Variants in FNDC1 observed in about 807,000 individuals in gnomAD.
FNDC1 encodes the protein fibronectin type III domain containing 1, also known as fibronectin type III domain-containing protein 1.
FNDC1 carries 96 observed loss-of-function variants against 168.0 expected under a neutral mutation model. The ratio of observed to expected loss-of-function variants is 0.57; its 90% confidence interval spans 0.48 to 0.68. The LOEUF (loss-of-function observed/expected upper bound fraction) is 0.68. Among genes scored for constraint, FNDC1 ranks in the 30% least tolerant of loss-of-function variants. The probability of loss-of-function intolerance (pLI) is 0.00; values close to 1 mark genes in which losing one functional copy is unlikely to be tolerated. For synonymous variants in FNDC1, 1,099 were observed against 1,025.9 expected (o/e 1.07, Z -1.36); for missense variants, 2,587 against 2,482.1 (o/e 1.04, Z -0.90).
chr6:159,243,809 A>G (rs1783482974), intron 14 of FNDC1, among the ~76,000 whole-genome samples: 1 of 152,166 alleles, frequency 6.6e-6, no homozygotes, highest in African/African-American at 2.4e-5. Flanking sequence ...TATTTTAGAA[A>G]AATTATGCCT....
At chr6:159,250,831 G>A (rs1777242336) in intron 16 of FNDC1, among the ~76,000 whole-genome samples, 2 of 152,154 alleles carry the variant, frequency 1.3e-5, no homozygotes, top group South Asian at 2.1e-4. Flanking sequence ...GAAGCTCTAG[G>A]GAAGGCCACC....
At chr6:159,231,453 A>T (rs963830430) in intron 10 of FNDC1, among the ~76,000 whole-genome samples, 2 of 152,246 alleles carry the variant, frequency 1.3e-5, no homozygotes, top group African/African-American at 4.8e-5. Context: ...ATTATTCAGC[A>T]ATTTGCACCA....
intron 14 of FNDC1, among the ~76,000 whole-genome samples, chr6:159,245,283 A>T (rs1390068704): frequency 6.6e-6 from 1 of 152,174 alleles, no homozygotes. Flanking sequence ...GGGTATTTAT[A>T]AGCTCAATGT....
rs910364756 is a variant in FNDC1 at position 159,206,924 on chromosome 6, C to T, written c.460+6343C>T. ...TCTTAAGGGCTTGGATCTCTTCATC[C>T]GGTGCTCGTTTCAAAGCTGCCTCTC... On this transcript the variant is annotated intron_variant, in intron 4 of 22. Coordinates refer to ENST00000297267, the MANE Select transcript of FNDC1 (RefSeq NM_032532.3). Among the ~76,000 whole-genome samples the T allele has an allele frequency of 4.6e-5, 7 of 152,156 alleles. No homozygotes were observed. In the East Asian group the frequency reaches 5.8e-4, roughly 13 times the overall value.
intron 1 of FNDC1, among the ~76,000 whole-genome samples, chr6:159,190,895 G>T (rs1437649166): frequency 1.3e-5 from 2 of 152,114 alleles, no homozygotes; most frequent in Non-Finnish European, 2.9e-5. Flanking sequence ...TTTGGTATTT[G>T]TATCAGTTCG....
In FNDC1 at chr6:159,225,549, G is replaced by C. The variant is rs775569158; in HGVS notation, c.899G>C (p.Arg300Pro). Residue 300 changes from arginine (R) to proline (P), a missense_variant, in exon 8 of 23, where the codon CGC becomes CCC. Transcript: ENST00000297267. ...KVVASRQYTV[R>P]YREKGELARW... ...TTTTCTTACAGACAGTACACCGTGCGCTATCGAGAGAAGGGGGAATTGGCC... is the reference window on the plus strand; with the variant it reads ...TTTTCTTACAGACAGTACACCGTGCCCTATCGAGAGAAGGGGGAATTGGCC... 1.9e-6 allele frequency: 3 copies of C among 1,613,246 alleles called. No homozygotes were observed.
At chr6:159,183,495 G>A (rs961667913) in intron 1 of FNDC1, among the ~76,000 whole-genome samples, 2 of 152,234 alleles carry the variant, frequency 1.3e-5, no homozygotes, top group African/African-American at 4.8e-5. Flanking sequence ...AAGCCAGGCT[G>A]GAGTTGGGAA....
chr6:159,266,152 C>G lies in FNDC1; in HGVS notation c.5353C>G (p.Gln1785Glu), dbSNP rs776689623. The change falls in exon 21 of 23, where the codon CAA becomes GAA. Residue 1785 changes from glutamine to glutamate, a missense_variant. By Grantham distance (29) the Gln-to-Glu change is conservative. Transcript: ENST00000297267. ...CAGCTACACGGACTGCCATGGACGG[C>G]AATATGTGAAGCGCACGTGGTATCG... ...DPSYTDCHGR[Q>E]YVKRTWYRKF... The G allele has an allele frequency of 3.7e-6, 6 of 1,613,836 alleles. No individual in the cohort carries two copies.
chr6:159,170,170 G>C (rs1473558471), intron 1 of FNDC1, among the ~76,000 whole-genome samples: 1 of 152,302 alleles, frequency 6.6e-6, no homozygotes, highest in South Asian at 2.1e-4. Flanking sequence ...CTAGAAGGTC[G>C]TGGGGGAAAG....
rs912603149 is a variant in FNDC1 at position 159,232,694 on chromosome 6, C to A, written c.2182C>A (p.Arg728=). 6.2e-7 allele frequency: 1 copy of A among 1,613,770 alleles called. No individual in the cohort carries two copies. Among genetic ancestry groups the A allele is most frequent in the South Asian group, 1.1e-5 (1 of 91,076 alleles). Residue 728 remains arginine, a synonymous_variant, in exon 11 of 23, where the codon CGG becomes AGG. Coordinates refer to ENST00000297267, the MANE Select transcript of FNDC1 (RefSeq NM_032532.3). This position sits in a 1 kb window ranked among gnomAD's most constrained non-coding sequence, Gnocchi z 4.9. The part of the protein sequence containing the change: ...RLSPPHGGSS[R]LLPTQPHLSS... ...TTCTCCACCCCATGGGGGATCATCTCGGCTGCTGCCCACCCAGCCACACCT... is the reference window on the plus strand; with the variant it reads ...TTCTCCACCCCATGGGGGATCATCTAGGCTGCTGCCCACCCAGCCACACCT...
At chr6:159,193,174 A>G (rs960872511) in intron 1 of FNDC1, among the ~76,000 whole-genome samples, 3 of 152,074 alleles carry the variant, frequency 2.0e-5, no homozygotes, top group Non-Finnish European at 2.9e-5. Flanking sequence ...TTAATCACCA[A>G]TTAATACACA....
At chr6:159,203,199 T>C (rs1363595603) in intron 4 of FNDC1, among the ~76,000 whole-genome samples, 2 of 152,188 alleles carry the variant, frequency 1.3e-5, no homozygotes, top group African/African-American at 4.8e-5. Flanking sequence ...TGTGAGATAC[T>C]GGGGTTAGGA....
Position 159,221,714 on chromosome 6 carries a change from C to T in FNDC1, c.766+18C>T, listed in dbSNP as rs778963597. ...GATTTCAGGTATGTTTCTAAGGATGCATTTGGTCAAACCATAGTCTGGTAT... is the reference window on the plus strand; with the variant it reads ...GATTTCAGGTATGTTTCTAAGGATGTATTTGGTCAAACCATAGTCTGGTAT... On this transcript the variant is annotated intron_variant, in intron 6 of 22. Coordinates refer to ENST00000297267, the MANE Select transcript of FNDC1 (RefSeq NM_032532.3). 1.8e-5 allele frequency: 29 copies of T among 1,585,996 alleles called. No individual in the cohort carries two copies. Among genetic ancestry groups the T allele is most frequent in the African/African-American group, 2.7e-5 (2 of 74,398 alleles).
At chr6:159,249,359 G>T (rs894057876) in intron 16 of FNDC1, among the ~76,000 whole-genome samples, 177 bp downstream of exon 16, 1 of 152,194 alleles carries the variant, frequency 6.6e-6, no homozygotes, top group African/African-American at 2.4e-5. Context: ...GTATTATTTT[G>T]CTTTCTGCCA....
intron 22 of FNDC1, among the ~76,000 whole-genome samples, chr6:159,268,991 TATCCATCC>T (rs199923245): frequency 1.3e-3 from 173 of 130,456 alleles, no homozygotes; most frequent in Non-Finnish European, 1.3e-3. Flanking sequence ...TGTATCTATT[TATCCATCC>T]ATCCATCCAT....
intron 1 of FNDC1, among the ~76,000 whole-genome samples, chr6:159,195,066 G>C (rs2114942096): frequency 6.6e-6 from 1 of 152,146 alleles, no homozygotes; most frequent in Non-Finnish European, 1.5e-5. Flanking sequence ...CGCGATATTT[G>C]GCTTAAGGCA....
intron 17 of FNDC1, among the ~76,000 whole-genome samples, chr6:159,255,433 A>C (rs1199429935): frequency 6.6e-6 from 1 of 151,818 alleles, no homozygotes; most frequent in Non-Finnish European, 1.5e-5. Flanking sequence ...CCCGCTACAC[A>C]CCCTCTCACA....
At chr6:159,170,411 G>A (rs1372722115) in intron 1 of FNDC1, among the ~76,000 whole-genome samples, 2 of 152,232 alleles carry the variant, frequency 1.3e-5, no homozygotes, top group Admixed American at 6.5e-5. Flanking sequence ...TCCTTTGAGA[G>A]CAATGCTTTT....
At chr6:159,223,750 G>T in intron 7 of FNDC1, 105 bp downstream of exon 7, 1 of 662,466 alleles carries the variant, frequency 1.5e-6, no homozygotes, top group South Asian at 2.0e-5. Context: ...CATGAATGCT[G>T]GTCTCTTTTG....
Sources: gnomAD v4.1 joint callset for allele counts (sites outside exome capture counted in the v4.1 genomes callset) on GRCh38, gnomAD v4.1.1 for gene constraint, Gnocchi (gnomAD v3.1) non-coding constraint, MANE v1.5 for transcripts, NCBI Gene and HGNC (gene_info 2026-07-23, HGNC 2026-07-21) for gene names.